Variants in CHRM2 observed in about 807,000 individuals in gnomAD.
CHRM2 encodes the protein cholinergic receptor muscarinic 2.
A neutral mutation model predicts 25.0 loss-of-function variants in CHRM2; 8 were observed. The observed-to-expected ratio is 0.32, with a 90% confidence interval of 0.19 to 0.58. CHRM2 has a LOEUF of 0.58. CHRM2 is among the 20% of genes least tolerant of loss of function. CHRM2 has a pLI of 0.88. For synonymous variants in CHRM2, 202 were observed against 205.7 expected, an observed-to-expected ratio of 0.98 and a Z score of 0.15; for missense variants, 440 against 567.1, an observed-to-expected ratio of 0.78 and a Z score of 2.28.
At chr7:136,898,937 T>G (rs1797053147) in intron 2 of CHRM2, 11 of 152,076 alleles carry the variant, frequency 7.2e-5, no homozygotes, top group Admixed American at 7.2e-4. Context: ...ACTAAAGACT[T>G]AATCTGTTAA....
At chr7:137,002,143 GTTTGT>G (rs1171657324) in intron 3 of CHRM2, among the ~76,000 whole-genome samples, 4 of 152,092 alleles carry the variant, frequency 2.6e-5, no homozygotes, top group Non-Finnish European at 2.9e-5. Context: ...GTTTTGTTTT[GTTTGT>G]TTTGTTTTGT....
At chr7:136,914,857 G>C (rs1434457754) in intron 2 of CHRM2, among the ~76,000 whole-genome samples, 1 of 151,934 alleles carries the variant, frequency 6.6e-6, no homozygotes, top group Non-Finnish European at 1.5e-5. Flanking sequence ...TAATGAAGTA[G>C]ACTCTGCTGA....
At chr7:136,891,934 G>T (rs1796706357) in intron 2 of CHRM2, among the ~76,000 whole-genome samples, 1 of 152,154 alleles carries the variant, frequency 6.6e-6, no homozygotes, top group African/African-American at 2.4e-5. Flanking sequence ...TTCCCTCCTA[G>T]AATTTAATGC....
At chr7:136,941,505 A>G (rs1334943622) in intron 2 of CHRM2, among the ~76,000 whole-genome samples, 1 of 152,212 alleles carries the variant, frequency 6.6e-6, no homozygotes, top group Non-Finnish European at 1.5e-5. Context: ...AGTGAAGCAA[A>G]GTGCGTTGTC....
intron 3 of CHRM2, among the ~76,000 whole-genome samples, chr7:137,013,426 C>T (rs1225964524): frequency 1.3e-5 from 2 of 151,910 alleles, no homozygotes; most frequent in Non-Finnish European, 2.9e-5. Flanking sequence ...AACCACTGCC[C>T]ATTTCTTTGT....
chr7:136,967,902 C>T (rs1483343168), intron 2 of CHRM2, among the ~76,000 whole-genome samples: 1 of 151,784 alleles, frequency 6.6e-6, no homozygotes, highest in East Asian at 1.9e-4. Context: ...TCTGGAAGTA[C>T]TGTTAGGTTT....
At chr7:136,995,214 A>G (rs1201359858) in intron 3 of CHRM2, among the ~76,000 whole-genome samples, 1 of 152,136 alleles carries the variant, frequency 6.6e-6, no homozygotes, top group Non-Finnish European at 1.5e-5. Flanking sequence ...CATACATCAC[A>G]ATTAGAAATA....
At chr7:136,951,599 T>C (rs1689269747) in intron 2 of CHRM2, among the ~76,000 whole-genome samples, 1 of 152,110 alleles carries the variant, frequency 6.6e-6, no homozygotes, top group Admixed American at 6.5e-5. Flanking sequence ...GGGAAGAGGA[T>C]GAAAAGGGAT....
chr7:136,984,545 G>T (rs1802713658), intron 2 of CHRM2, among the ~76,000 whole-genome samples: 1 of 152,042 alleles, frequency 6.6e-6, no homozygotes, highest in South Asian at 2.1e-4. Flanking sequence ...GCCCAGTTTT[G>T]TGCTTGAAAC....
At chr7:136,940,203 G>A (rs1257135756) in intron 2 of CHRM2, among the ~76,000 whole-genome samples, 1 of 152,216 alleles carries the variant, frequency 6.6e-6, no homozygotes, top group Non-Finnish European at 1.5e-5. Context: ...CAGTTTGTGT[G>A]AAAGAAGCAC....
intron 2 of CHRM2, among the ~76,000 whole-genome samples, chr7:136,873,631 C>G (rs769199769): frequency 1.1e-4 from 16 of 152,144 alleles, no homozygotes; most frequent in Non-Finnish European, 1.9e-4. Context: ...CCCCTGGATT[C>G]AAACACAAGC....
intron 2 of CHRM2, among the ~76,000 whole-genome samples, chr7:136,961,146 A>T (rs534280798): frequency 1.3e-5 from 2 of 152,202 alleles, no homozygotes; most frequent in Non-Finnish European, 2.9e-5. Context: ...AATTAAAAAA[A>T]CCATATGCAT....
rs560898695 is a variant in CHRM2, at chr7:136,995,618, C to G, written c.-47+3354C>G. On this transcript the variant is annotated intron_variant, in intron 3 of 3. Coordinates refer to ENST00000680005, the MANE Select transcript of CHRM2 (RefSeq NM_001006630.2). Reference sequence around the variant, plus strand: ...TCTCTACAAAAATTAAAAAACATTACCCAGGTGTGGTGGTGCACACCTGTG... The same window carrying G: ...TCTCTACAAAAATTAAAAAACATTAGCCAGGTGTGGTGGTGCACACCTGTG... 2.0e-4 allele frequency among the ~76,000 whole-genome samples: 31 copies of G among 151,782 alleles called. No individual in the cohort carries two copies. In the South Asian group the frequency reaches 5.4e-3, roughly 26 times the overall value.
chr7:136,896,373 G>T (rs974493515), intron 2 of CHRM2, among the ~76,000 whole-genome samples: 3 of 152,132 alleles, frequency 2.0e-5, no homozygotes, highest in South Asian at 4.2e-4. Flanking sequence ...ATTCCCAGGG[G>T]TCTAGAACAG....
intron 2 of CHRM2, among the ~76,000 whole-genome samples, chr7:136,964,655 C>T (rs1801301600): frequency 6.6e-6 from 1 of 152,076 alleles, no homozygotes; most frequent in African/African-American, 2.4e-5. Flanking sequence ...ACAGAATTTC[C>T]CTGCCTATGT....
rs1362232664 is a variant in CHRM2 at position 136,869,147 on chromosome 7, C to A, written c.-282-114C>A. On this transcript the variant is annotated intron_variant, in intron 1 of 3. Coordinates refer to ENST00000680005, the MANE Select transcript of CHRM2 (RefSeq NM_001006630.2). This position sits in a 1 kb window ranked among gnomAD's most constrained non-coding sequence, Gnocchi z 4.9. Reference sequence around the variant, plus strand: ...GTGACTCTGCCTGCGCGCGCGCCAGCCCCGCAGCTCTCGCCAGAGCCTTGG... The same window carrying A: ...GTGACTCTGCCTGCGCGCGCGCCAGACCCGCAGCTCTCGCCAGAGCCTTGG... 2 of 152,420 alleles carry A rather than the reference C, an allele frequency of 1.3e-5. No individual in the cohort carries two copies. Among genetic ancestry groups the A allele is most frequent in the South Asian group, 2.1e-4 (1 of 4,838 alleles). 9.4% of individuals were successfully genotyped at this position (152,420 alleles called of 1,614,324 possible). A position where few individuals can be genotyped will look rare whatever the true frequency, so the allele number is the denominator to read the frequency against.
chr7:136,961,038 C>G (rs879313340), intron 2 of CHRM2, among the ~76,000 whole-genome samples: 16 of 152,166 alleles, frequency 1.1e-4, no homozygotes, highest in African/African-American at 3.9e-4. Context: ...GGCAGGAGAA[C>G]TGCATGAACC....
intron 2 of CHRM2, among the ~76,000 whole-genome samples, chr7:136,954,035 G>A (rs1405486146): frequency 6.6e-6 from 1 of 152,050 alleles, no homozygotes; most frequent in Non-Finnish European, 1.5e-5. Context: ...TATGAGAAGA[G>A]CCTCCAGGGC....
At chr7:136,957,359 A>G (rs1456418797) in intron 2 of CHRM2, among the ~76,000 whole-genome samples, 1 of 152,220 alleles carries the variant, frequency 6.6e-6, no homozygotes, top group East Asian at 1.9e-4. Flanking sequence ...GGAACTGTTA[A>G]CTATTGGCAA....
Sources: allele counts gnomAD v4.1 joint callset (sites outside exome capture counted in the v4.1 genomes callset), GRCh38; gene constraint gnomAD v4.1.1; non-coding constraint Gnocchi (gnomAD v3.1); transcripts MANE v1.5; gene names NCBI Gene and HGNC (gene_info 2026-07-23, HGNC 2026-07-21).